Variants in ABCB6 observed in about 807,000 individuals in gnomAD.
ABCB6 encodes the protein ATP binding cassette subfamily B member 6 (LAN blood group), also known as ATP-binding cassette sub-family B member 6.
Under a neutral mutation model 99.4 loss-of-function variants are expected in ABCB6, and 87 were observed. That is an observed-to-expected ratio of 0.88 (90% confidence interval 0.74 to 1.05). The LOEUF (loss-of-function observed/expected upper bound fraction) is 1.05, where lower values mean the gene tolerates loss of function less well. Ranked by LOEUF, ABCB6 falls within the 50% of genes least tolerant of loss-of-function variation. The pLI is 0.00. For synonymous variants in ABCB6, 482 were observed against 447.5 expected, an observed-to-expected ratio of 1.08 and a Z score of -0.97; for missense variants, 1,050 against 1,097.9, an observed-to-expected ratio of 0.96 and a Z score of 0.62.
intron 11 of ABCB6, 50 bp from the exon 12 acceptor site, chr2:219,213,376 C>T (rs1311512771): frequency 4.3e-6 from 7 of 1,613,870 alleles, no homozygotes; most frequent in South Asian, 1.1e-5. Flanking sequence ...TTGTGTTTTC[C>T]AAGCACGAGA....
intron 2 of ABCB6, among the ~76,000 whole-genome samples, chr2:219,217,166 C>T (rs766920164): frequency 2.0e-5 from 3 of 151,982 alleles, no homozygotes; most frequent in African/African-American, 7.3e-5. Context: ...CAAGACTAGC[C>T]TGGCCAACAT....
intron 14 of ABCB6, among the ~76,000 whole-genome samples, chr2:219,211,832 C>G (rs531644777): frequency 6.7e-5 from 10 of 149,426 alleles, no homozygotes; most frequent in South Asian, 2.1e-4. Context: ...GGCGCCATCT[C>G]GGCTCACTGC....
rs150574070 is a variant in ABCB6, at chr2:219,210,380, C to T, written c.2351+1G>A. On this transcript the variant is annotated splice_donor_variant, in intron 17 of 18. Coordinates refer to ENST00000265316, the MANE Select transcript of ABCB6 (RefSeq NM_005689.4). LOFTEE classifies it high-confidence loss of function. ...GCCGCCCCAGGCCTGTAGTCCTGTA[C>T]CTGTGTGCCACTACGATGGTGGTGC... The T allele has an allele frequency of 9.3e-6, 15 of 1,614,238 alleles. No homozygotes were observed. Among genetic ancestry groups the T allele is most frequent in the Non-Finnish European group, 1.2e-5 (14 of 1,180,038 alleles).
At position 219,216,030 on chromosome 2, in the gene ABCB6, T is replaced by A. The variant is rs1486465002; in HGVS notation, c.1121A>T (p.Asp374Val). 1 of 1,601,326 alleles carries A rather than the reference T, an allele frequency of 6.2e-7. No individual in the cohort carries two copies. The change falls in exon 5 of 19, where the codon GAT becomes GTT. Residue 374 changes from aspartate to valine, a missense_variant. Transcript: ENST00000265316. This position sits in a 1 kb window ranked among gnomAD's most constrained non-coding sequence, Gnocchi z 4.2. ...CCCTGTGACACTGGATGTGCCCCGA[T>A]CCGCGATCCGCAGCACCTCCCCTGT... ...RRTGEVLRIA[D>V]RGTSSVTGLL...
chr2:219,210,695 G>A lies in ABCB6; in HGVS notation c.2256+16C>T. 4 of 1,613,330 alleles carry A rather than the reference G, an allele frequency of 2.5e-6. No homozygotes were observed. The highest frequency in any genetic ancestry group is 3.4e-6 in the Non-Finnish European group (4 of 1,179,858). On this transcript the variant is annotated intron_variant, in intron 16 of 18. Coordinates refer to ENST00000265316, the MANE Select transcript of ABCB6 (RefSeq NM_005689.4). Reference sequence around the variant, plus strand: ...ATACACAAGGCAGGAAGGAGGGGAGGAGACCCAGGGCGCACCTCATCCAGC... The same window carrying A: ...ATACACAAGGCAGGAAGGAGGGGAGAAGACCCAGGGCGCACCTCATCCAGC...
At chr2:219,212,008 C>T (rs1475845985) in intron 14 of ABCB6, among the ~76,000 whole-genome samples, 1 of 152,076 alleles carries the variant, frequency 6.6e-6, no homozygotes, top group Non-Finnish European at 1.5e-5. Context: ...TGTGATCCGC[C>T]CACCTCAGCC....
In ABCB6 at chr2:219,217,771, A is replaced by C. The variant is rs753428734; in HGVS notation, c.586T>G (p.Ser196Ala). 1.2e-6 allele frequency: 2 copies of C among 1,613,964 alleles called. No homozygotes were observed. The highest frequency in any genetic ancestry group is 2.7e-5 in the African/African-American group (2 of 74,916). ...FSLWVLRYVVSGGLFVLGLWA... is the reference protein window; with the variant it reads ...FSLWVLRYVVAGGLFVLGLWA... ...AGACCCAGGACAAACAGCCCTCCAG[A>C]GACCACATACCGCAGCACCCACAGG... Residue 196 changes from serine to alanine, a missense_variant, in exon 2 of 19, where the codon TCT becomes GCT. Physicochemically the swap from Ser to Ala is moderately conservative, Grantham distance 99 (BLOSUM62 1). Transcript: ENST00000265316.
rs773941442 is a variant in ABCB6, at chr2:219,218,467, G to T, written c.207C>A (p.Arg69=). ...ADSLSWGAGP[R]ISPYVLQLLL... Reference sequence around the variant, plus strand: ...GCAGCTGCAGCACGTAGGGAGAGATGCGAGGGCCGGCCCCCCAAGACAGCG... The same window carrying T: ...GCAGCTGCAGCACGTAGGGAGAGATTCGAGGGCCGGCCCCCCAAGACAGCG... Residue 69 remains arginine, a synonymous_variant, in exon 1 of 19, where the codon CGC becomes CGA. Transcript: ENST00000265316. 6.2e-7 allele frequency: 1 copy of T among 1,607,488 alleles called. No individual in the cohort carries two copies. Among genetic ancestry groups the T allele is most frequent in the East Asian group, 2.2e-5 (1 of 44,702 alleles).
Position 219,216,095 on chromosome 2 carries a change from G to T in ABCB6, c.1056C>A (p.His352Gln), listed in dbSNP as rs752352053. The part of the protein sequence containing the change: ...SRRVELLIFS[H>Q]LHELSLRWHL... ...GCCAGCGCAGTGAGAGCTCGTGCAG[G>T]TGGGAGAAGATGAGCAGCTCCACCC... Residue 352 changes from histidine to glutamine, a missense_variant, in exon 5 of 19, where the codon CAC becomes CAA. Physicochemically the swap from His to Gln is conservative, Grantham distance 24. Transcript: ENST00000265316. The surrounding 1 kb of genome is among the most constrained non-coding windows in gnomAD (Gnocchi z 4.2). The T allele has an allele frequency of 1.3e-6, 2 of 1,588,498 alleles. No homozygotes were observed. Among genetic ancestry groups the T allele is most frequent in the Admixed American group, 1.8e-5 (1 of 56,860 alleles).
Position 219,214,448 on chromosome 2 carries a change from T to G in ABCB6, c.1327A>C (p.Asn443His). ...GCCCGGGTAGCGTTCTCCTGTGTGTTCATAGCACGACGAAACTTGGTTCTC... is the reference window on the plus strand; with the variant it reads ...GCCCGGGTAGCGTTCTCCTGTGTGTGCATAGCACGACGAAACTTGGTTCTC... ...EWRTKFRRAM[N>H]TQENATRARA... Residue 443 changes from asparagine (N) to histidine (H), a missense_variant, in exon 7 of 19, where the codon AAC becomes CAC. By Grantham distance (68) the Asn-to-His change is moderately conservative. Transcript: ENST00000265316. 1.2e-6 allele frequency: 2 copies of G among 1,614,176 alleles called. No homozygotes were observed. The highest frequency in any genetic ancestry group is 2.2e-5 in the South Asian group (2 of 91,090).
chr2:219,210,131 G>A, intron 18 of ABCB6, 85 bp from the exon 19 acceptor site: 1 of 1,594,858 alleles, frequency 6.3e-7, no homozygotes, highest in Non-Finnish European at 8.6e-7. Context: ...GGACGGGATG[G>A]GAAGGGAGGT....
Position 219,216,273 on chromosome 2 carries a change from G to A in ABCB6, c.970+91C>T. Reference sequence around the variant, plus strand: ...GTGAAAGGTCTGAGAGTACATGGGGGCTGGGGAGGAATGCTGGGAGAGGCG... The same window carrying A: ...GTGAAAGGTCTGAGAGTACATGGGGACTGGGGAGGAATGCTGGGAGAGGCG... On this transcript the variant is annotated intron_variant, in intron 4 of 18. Transcript: ENST00000265316. This position sits in a 1 kb window ranked among gnomAD's most constrained non-coding sequence, Gnocchi z 4.2. 6.3e-7 allele frequency: 1 copy of A among 1,582,332 alleles called. No individual in the cohort carries two copies. Among genetic ancestry groups the A allele is most frequent in the South Asian group, 1.1e-5 (1 of 88,722 alleles).
intron 11 of ABCB6, 37 bp from the exon 12 acceptor site, chr2:219,213,363 G>C: frequency 1.2e-6 from 2 of 1,613,858 alleles, no homozygotes; most frequent in Non-Finnish European, 1.7e-6. Context: ...GAGGTTCTCA[G>C]CTTTGTGTTT....
At chr2:219,214,097 G>A in intron 8 of ABCB6, 24 bp downstream of exon 8, 3 of 1,613,918 alleles carry the variant, frequency 1.9e-6, no homozygotes, top group Non-Finnish European at 2.5e-6. Flanking sequence ...TTATTCTCCG[G>A]AGGCCTCAAA....
Position 219,217,811 on chromosome 2 carries a change from G to GA in ABCB6, c.550-5dup. On this transcript the variant is annotated splice_region_variant and splice_polypyrimidine_tract_variant and intron_variant, in intron 1 of 18. Coordinates refer to ENST00000265316, the MANE Select transcript of ABCB6 (RefSeq NM_005689.4). ...GCACCCACAGGCTAAACTGAACCTA[G>GA]AATGAAATATAAGTGGAGAGAGTAT... The GA allele has an allele frequency of 6.2e-7, 1 of 1,607,286 alleles. No individual in the cohort carries two copies. Among genetic ancestry groups the GA allele is most frequent in the South Asian group, 1.1e-5 (1 of 90,692 alleles).
intron 6 of ABCB6, 55 bp from the exon 7 acceptor site, chr2:219,214,553 C>G: frequency 7.5e-7 from 1 of 1,330,478 alleles, no homozygotes; most frequent in Non-Finnish European, 1.1e-6. Context: ...AAAGCAGAGA[C>G]CAAATGTCAA....
rs1190925995 is a variant in ABCB6 at position 219,210,419 on chromosome 2, T to G, written c.2313A>C (p.Lys771Asn). The G allele has an allele frequency of 6.2e-7, 1 of 1,614,196 alleles. No individual in the cohort carries two copies. Among genetic ancestry groups the G allele is most frequent in the Non-Finnish European group, 8.5e-7 (1 of 1,180,020 alleles). Reference sequence around the variant, plus strand: ...CGATGGTGGTGCGGTTGGCACAGACTTTGGCCAGAGAAGCCTGGATGGCCC... The same window carrying G: ...CGATGGTGGTGCGGTTGGCACAGACGTTGGCCAGAGAAGCCTGGATGGCCC... The part of the protein sequence containing the change: ...NERAIQASLA[K>N]VCANRTTIVV... Residue 771 changes from lysine (K) to asparagine (N), a missense_variant, in exon 17 of 19, where the codon AAA becomes AAC. Transcript: ENST00000265316.
chr2:219,215,321 T>G, intron 5 of ABCB6: 1 of 487,402 alleles, frequency 2.1e-6, no homozygotes, highest in Non-Finnish European at 3.7e-6. Flanking sequence ...ATCTCCATAA[T>G]GTTCTGTTAA....
chr2:219,215,181 A>G lies in ABCB6; in HGVS notation c.1155-99T>C, dbSNP rs1950624257. Reference sequence around the variant, plus strand: ...GGGTAGTGTTTTATTTTCAAGCAACAGACTGGAACCAGTCTTAATTAATTC... The same window carrying G: ...GGGTAGTGTTTTATTTTCAAGCAACGGACTGGAACCAGTCTTAATTAATTC... On this transcript the variant is annotated intron_variant, in intron 5 of 18. Coordinates refer to ENST00000265316, the MANE Select transcript of ABCB6 (RefSeq NM_005689.4). 10 of 1,486,032 alleles carry G rather than the reference A, an allele frequency of 6.7e-6. 1 individual carries two copies. The South Asian group carries it at 1.2e-4, about 18-fold the overall frequency. The allele number at this position is 1,486,032 out of a possible 1,614,324, so 92.1% of individuals were successfully genotyped here. A position where few individuals can be genotyped will look rare whatever the true frequency, so the allele number is the denominator to read the frequency against.
Sources: gnomAD v4.1 joint callset for allele counts (sites outside exome capture counted in the v4.1 genomes callset) on GRCh38, gnomAD v4.1.1 for gene constraint, Gnocchi (gnomAD v3.1) non-coding constraint, MANE v1.5 for transcripts, NCBI Gene and HGNC (gene_info 2026-07-23, HGNC 2026-07-21) for gene names.